Variants in KCNH5 observed in about 807,000 individuals in gnomAD.
The protein encoded by KCNH5 is voltage-gated delayed rectifier potassium channel KCNH5.
KCNH5 carries 46 observed loss-of-function variants against 96.1 expected under a neutral mutation model. The ratio of observed to expected loss-of-function variants is 0.48; its 90% CI spans 0.38 to 0.61. The LOEUF (loss-of-function observed/expected upper bound fraction) is 0.61. Ranked by LOEUF, KCNH5 falls within the 20% of genes least tolerant of loss-of-function variation. The probability of loss-of-function intolerance (pLI) is 0.00; values close to 1 mark genes in which losing one functional copy is unlikely to be tolerated. For missense variants in KCNH5, 907 were observed against 1,225.8 expected (o/e 0.74, Z 3.88); for synonymous variants, 439 against 449.8 (o/e 0.98, Z 0.30).
intron 7 of KCNH5, among the ~76,000 whole-genome samples, chr14:62,882,018 C>T (rs77793611): frequency 0.11 from 16,615 of 149,030 alleles, 1,131 homozygotes; most frequent in East Asian, 0.27. Context: ...AATCCCAGCA[C>T]TTTGGGAGGC....
At chr14:62,742,773 G>A (rs1885297666) in intron 10 of KCNH5, among the ~76,000 whole-genome samples, 1 of 152,150 alleles carries the variant, frequency 6.6e-6, no homozygotes, top group Non-Finnish European at 1.5e-5. Flanking sequence ...TTGGCAGAAG[G>A]CCCTTAGATC....
chr14:62,778,284 C>A (rs1362429763), intron 10 of KCNH5, among the ~76,000 whole-genome samples: 1 of 152,122 alleles, frequency 6.6e-6, no homozygotes, highest in Non-Finnish European at 1.5e-5. Context: ...GAAAAGTGGG[C>A]TCTTGGTATA....
At chr14:62,925,338 T>C (rs1443036784) in intron 7 of KCNH5, among the ~76,000 whole-genome samples, 1 of 152,070 alleles carries the variant, frequency 6.6e-6, no homozygotes, top group African/African-American at 2.4e-5. Context: ...AACAAACTAA[T>C]GTATGGCATT....
At chr14:62,721,645 T>C (rs1884819951) in intron 10 of KCNH5, among the ~76,000 whole-genome samples, 1 of 152,104 alleles carries the variant, frequency 6.6e-6, no homozygotes, top group Non-Finnish European at 1.5e-5. Flanking sequence ...CAATGGATTT[T>C]AATTTTATTT....
intron 10 of KCNH5, among the ~76,000 whole-genome samples, chr14:62,729,765 T>C (rs1885011029): frequency 6.6e-6 from 1 of 152,152 alleles, no homozygotes; most frequent in Admixed American, 6.6e-5. Context: ...TAAGGGAACA[T>C]GAGCAGAAAT....
intron 7 of KCNH5, among the ~76,000 whole-genome samples, chr14:62,871,524 T>C (rs931966674): frequency 4.6e-5 from 7 of 152,206 alleles, no homozygotes; most frequent in African/African-American, 1.7e-4. Context: ...AAATGTCTCA[T>C]TTACAGTTTC....
At chr14:62,810,352 G>T (rs1453518577) in intron 8 of KCNH5, among the ~76,000 whole-genome samples, 1 of 151,948 alleles carries the variant, frequency 6.6e-6, no homozygotes, top group Non-Finnish European at 1.5e-5. Flanking sequence ...TATGATTAAG[G>T]GTTCTCTTAT....
At chr14:62,726,716 T>C (rs1884933705) in intron 10 of KCNH5, among the ~76,000 whole-genome samples, 1 of 152,142 alleles carries the variant, frequency 6.6e-6, no homozygotes, top group Admixed American at 6.5e-5. Context: ...AAGCTGAAGA[T>C]ATACACACTA....
chr14:62,765,536 TAA>T (rs1410238578), intron 10 of KCNH5, among the ~76,000 whole-genome samples: 1 of 152,092 alleles, frequency 6.6e-6, no homozygotes, highest in East Asian at 1.9e-4. Flanking sequence ...CTAATTAAAC[TAA>T]AGAGTCTCAG....
intron 10 of KCNH5, among the ~76,000 whole-genome samples, chr14:62,718,481 G>A (rs907205201): frequency 2.0e-5 from 3 of 152,076 alleles, no homozygotes; most frequent in African/African-American, 7.2e-5. Flanking sequence ...ATTAGTCATT[G>A]GAGAAATGCA....
At chr14:62,722,824 C>T (rs969424677) in intron 10 of KCNH5, among the ~76,000 whole-genome samples, 3 of 152,202 alleles carry the variant, frequency 2.0e-5, no homozygotes, top group Non-Finnish European at 2.9e-5. Context: ...ACAGTTGAGG[C>T]TCAGAGAAGT....
intron 7 of KCNH5, among the ~76,000 whole-genome samples, chr14:62,874,186 A>T (rs1158221880): frequency 1.3e-5 from 2 of 152,132 alleles, no homozygotes; most frequent in Non-Finnish European, 2.9e-5. Context: ...TCACAAGGAA[A>T]CTCATAATAA....
In KCNH5 at chr14:63,045,234, G is replaced by A. The variant is rs761153149; in HGVS notation, c.-48C>T. On this transcript the variant is annotated 5_prime_UTR_variant, in exon 1 of 11. Transcript: ENST00000322893. ...CAGGATCCGCGGCGGGGGAGGGGGG[G>A]ATGCAGGCAAAGAAGGTGGAGGAAG... 4.3e-6 allele frequency: 6 copies of A among 1,409,232 alleles called. No individual in the cohort carries two copies. Among genetic ancestry groups the A allele is most frequent in the Non-Finnish European group, 6.0e-6 (6 of 998,342 alleles). The allele number at this position is 1,409,232 out of a possible 1,614,324, so 87.3% of individuals were successfully genotyped here.
At chr14:62,922,591 T>G (rs1889400003) in intron 7 of KCNH5, among the ~76,000 whole-genome samples, 1 of 151,924 alleles carries the variant, frequency 6.6e-6, no homozygotes, top group Non-Finnish European at 1.5e-5. Flanking sequence ...ATTAAAAGGA[T>G]CATACACTAT....
At chr14:62,903,677 C>T (rs1302983775) in intron 7 of KCNH5, among the ~76,000 whole-genome samples, 3 of 151,466 alleles carry the variant, frequency 2.0e-5, no homozygotes, top group African/African-American at 2.4e-5. Context: ...AGTAAACAAA[C>T]GTTAAAAAAA....
intron 8 of KCNH5, among the ~76,000 whole-genome samples, chr14:62,840,067 C>T (rs1375152457): frequency 2.0e-5 from 3 of 152,098 alleles, no homozygotes; most frequent in Non-Finnish European, 4.4e-5. Flanking sequence ...AACATAAGAG[C>T]AGGGATTATG....
intron 6 of KCNH5, among the ~76,000 whole-genome samples, chr14:62,970,931 C>T (rs999159325): frequency 6.6e-6 from 1 of 151,862 alleles, no homozygotes; most frequent in African/African-American, 2.4e-5. Context: ...AAACTAGAAG[C>T]TTTCCTATTA....
chr14:62,735,239 A>G (rs2139928856), intron 10 of KCNH5, among the ~76,000 whole-genome samples: 1 of 152,298 alleles, frequency 6.6e-6, no homozygotes, highest in Non-Finnish European at 1.5e-5. Flanking sequence ...ACCAATGTTG[A>G]TGATATAAGG....
chr14:62,988,370 A>C (rs1890748249), intron 4 of KCNH5, among the ~76,000 whole-genome samples: 1 of 152,130 alleles, frequency 6.6e-6, no homozygotes, highest in Non-Finnish European at 1.5e-5. Context: ...GAAATTTCAG[A>C]TGATATGACA....
Sources: allele counts gnomAD v4.1 joint callset (sites outside exome capture counted in the v4.1 genomes callset), GRCh38; gene constraint gnomAD v4.1.1; transcripts MANE v1.5; gene names NCBI Gene and HGNC (gene_info 2026-07-23, HGNC 2026-07-21).